SBK1: variants seen among roughly 807,000 people sequenced by gnomAD.
The protein encoded by SBK1 is SH3 domain binding kinase 1.
SBK1 carries 11 observed loss-of-function variants against 24.4 expected under a neutral mutation model. The ratio of observed to expected loss-of-function variants is 0.45; its 90% CI spans 0.28 to 0.75. The LOEUF (loss-of-function observed/expected upper bound fraction) is 0.75, where lower values mean the gene tolerates loss of function less well. Among genes scored for constraint, SBK1 ranks in the 30% least tolerant of loss-of-function variants. The pLI, the probability that SBK1 is intolerant of heterozygous loss-of-function variation, is 0.12. For missense variants in SBK1, 467 were observed against 620.5 expected (o/e 0.75, Z 2.63); for synonymous variants, 308 against 284.4 (o/e 1.08, Z -0.83).
intron 1 of SBK1, among the ~76,000 whole-genome samples, chr16:28,284,270 A>G (rs762226945): frequency 2.0e-5 from 3 of 152,238 alleles, no homozygotes; most frequent in Non-Finnish European, 4.4e-5. Flanking sequence ...GATGTGTTCC[A>G]GACAGCACTT....
At chr16:28,279,891 G>T (rs1029841650) in intron 1 of SBK1, among the ~76,000 whole-genome samples, 4 of 151,802 alleles carry the variant, frequency 2.6e-5, no homozygotes, top group African/African-American at 9.7e-5. Context: ...AGCACGGGGG[G>T]ACATGTGGGC....
rs1310580365 is a variant in SBK1 at position 28,259,573 on chromosome 16, C to T, written c.257+71C>T. The T allele has an allele frequency of 8.8e-6, 3 of 341,576 alleles. No individual in the cohort carries two copies. The highest frequency in any genetic ancestry group is 1.3e-4 in the Admixed American group (2 of 15,462). 21.2% of individuals were successfully genotyped at this position (341,576 alleles called of 1,614,324 possible). ...GCGCTCGACCCAGGGTGCCTGTGGG[C>T]CTGGCAGTCTTGCTTCAAGTCAATC... On this transcript the variant is annotated intron_variant, in intron 1 of 3. Coordinates refer to the SBK1 transcript ENST00000671413. This position sits in a 1 kb window ranked among gnomAD's most constrained non-coding sequence, Gnocchi z 6.0.
chr16:28,294,166 G>A (rs1180759479), intron 1 of SBK1, among the ~76,000 whole-genome samples: 1 of 152,060 alleles, frequency 6.6e-6, no homozygotes, highest in Non-Finnish European at 1.5e-5. Flanking sequence ...ACACACGGCC[G>A]TACCCCAGCC....
chr16:28,276,259 G>A (rs1344630092), intron 1 of SBK1, among the ~76,000 whole-genome samples: 1 of 152,204 alleles, frequency 6.6e-6, no homozygotes, highest in Non-Finnish European at 1.5e-5. Flanking sequence ...TGGCGGGATG[G>A]AATGCGGAAT....
intron 1 of SBK1, among the ~76,000 whole-genome samples, chr16:28,306,804 T>C (rs532817183): frequency 1.3e-5 from 2 of 152,252 alleles, no homozygotes; most frequent in Non-Finnish European, 2.9e-5. Context: ...AATAATTCTC[T>C]ACGTGTTTGG....
chr16:28,308,740 G>GGTGTGTGTGTGTGTGTGT (rs763015809), intron 1 of SBK1, among the ~76,000 whole-genome samples: 2 of 130,536 alleles, frequency 1.5e-5, no homozygotes, highest in Admixed American at 8.0e-5. Flanking sequence ...CGTTCTTTGG[G>GGTGTGTGTGTGTGTGTGT]GTGTGTGTGT....
chr16:28,304,227 G>A (rs973400172), intron 1 of SBK1, among the ~76,000 whole-genome samples: 2 of 152,148 alleles, frequency 1.3e-5, no homozygotes, highest in African/African-American at 4.8e-5. Flanking sequence ...CCAGCGCTGG[G>A]GGCCTGGGTT....
upstream of SBK1, chr16:28,290,838 G>A (rs2044594180): frequency 6.6e-6 from 1 of 152,228 alleles, no homozygotes; most frequent in African/African-American, 2.4e-5. Context: ...TGGTCTGGGG[G>A]CCAGATTTGT....
chr16:28,266,262 G>A (rs1465213150), intron 1 of SBK1, among the ~76,000 whole-genome samples: 2 of 152,084 alleles, frequency 1.3e-5, no homozygotes, highest in African/African-American at 4.8e-5. Flanking sequence ...AGCTCCTGGA[G>A]AGGCTGAGGT....
intron 1 of SBK1, among the ~76,000 whole-genome samples, chr16:28,295,359 GACCTGAAA>G (rs2044631131): frequency 6.6e-6 from 1 of 152,066 alleles, no homozygotes; most frequent in Non-Finnish European, 1.5e-5. Context: ...CTCTTCCCCT[GACCTGAAA>G]AGCCCCACTC....
At chr16:28,312,282 G>T (rs889601198) in intron 1 of SBK1, among the ~76,000 whole-genome samples, 1 of 152,230 alleles carries the variant, frequency 6.6e-6, no homozygotes, top group East Asian at 1.9e-4. Context: ...AAGCAGCCTT[G>T]CCTCTCCCTG....
chr16:28,304,398 A>G (rs2044701236), intron 1 of SBK1, among the ~76,000 whole-genome samples: 1 of 152,096 alleles, frequency 6.6e-6, no homozygotes, highest in South Asian at 2.1e-4. Flanking sequence ...GAGACCAAGA[A>G]TAGAGAAGGG....
chr16:28,294,579 G>A (rs1259835031), intron 1 of SBK1, among the ~76,000 whole-genome samples: 2 of 152,178 alleles, frequency 1.3e-5, no homozygotes, highest in African/African-American at 2.4e-5. Context: ...CCCTGGGCAC[G>A]TCCCATTGGG....
intron 1 of SBK1, among the ~76,000 whole-genome samples, chr16:28,295,995 G>A (rs1382914162): frequency 6.8e-6 from 1 of 146,088 alleles, no homozygotes. Flanking sequence ...GCGAGATCTC[G>A]GCTCACTACA....
chr16:28,269,206 G>A (rs12444306), intron 1 of SBK1, among the ~76,000 whole-genome samples: 9,811 of 151,442 alleles, frequency 0.065, 569 homozygotes, highest in Admixed American at 0.19. Flanking sequence ...GCTCACTTTT[G>A]TATTTTTTAG....
In SBK1 at chr16:28,321,010, C is replaced by A; in HGVS notation, c.*89C>A. 1 of 1,196,646 alleles carries A rather than the reference C, an allele frequency of 8.4e-7. No homozygotes were observed. 74.1% of individuals were successfully genotyped at this position (1,196,646 alleles called of 1,614,324 possible). A position where few individuals can be genotyped will look rare whatever the true frequency, so the allele number is the denominator to read the frequency against. On this transcript the variant is annotated 3_prime_UTR_variant, in exon 4 of 4. Coordinates refer to ENST00000341901, the MANE Select transcript of SBK1 (RefSeq NM_001024401.3). ...GGCGGTAGGGAATGGAGCCACCTCG[C>A]CGCGGGGCAGGGGGCGCAGCGGTAG...
intron 1 of SBK1, among the ~76,000 whole-genome samples, chr16:28,310,654 G>T (rs1356489476): frequency 6.6e-6 from 1 of 152,170 alleles, no homozygotes; most frequent in Non-Finnish European, 1.5e-5. Flanking sequence ...GACCAGCCAG[G>T]GCAGCATAGT....
At chr16:28,275,417 T>C (rs1212004743) in intron 1 of SBK1, among the ~76,000 whole-genome samples, 1 of 152,118 alleles carries the variant, frequency 6.6e-6, no homozygotes, top group African/African-American at 2.4e-5. Flanking sequence ...TATATGTATA[T>C]AAGAAGAGAA....
In SBK1 at chr16:28,318,911, A is replaced by G. The variant is rs62031384; in HGVS notation, c.227-84A>G. 3.0e-3 allele frequency: 2,887 copies of G among 974,556 alleles called. 19 individuals carry two copies. Among genetic ancestry groups the G allele is most frequent in the Middle Eastern group, 0.02 (96 of 4,696 alleles). 60.4% of individuals were successfully genotyped at this position (974,556 alleles called of 1,614,324 possible). On this transcript the variant is annotated intron_variant, in intron 2 of 3. Coordinates refer to ENST00000341901, the MANE Select transcript of SBK1 (RefSeq NM_001024401.3). Reference sequence around the variant, plus strand: ...TGCCTGCTGGGGACCCTGTTGCACCAGGGTCCAGAGACAGGCATGGGTGCA... The same window carrying G: ...TGCCTGCTGGGGACCCTGTTGCACCGGGGTCCAGAGACAGGCATGGGTGCA...
Sources: allele counts gnomAD v4.1 joint callset (sites outside exome capture counted in the v4.1 genomes callset), GRCh38; gene constraint gnomAD v4.1.1; non-coding constraint Gnocchi (gnomAD v3.1); transcripts MANE v1.5; gene names NCBI Gene and HGNC (gene_info 2026-07-23, HGNC 2026-07-21).